PLCH1: variants seen among roughly 807,000 people sequenced by gnomAD.
The protein encoded by PLCH1 is phospholipase C eta 1.
Under a neutral mutation model 126.7 loss-of-function variants are expected in PLCH1, and 60 were observed. The ratio of observed to expected loss-of-function variants is 0.47; its 90% CI spans 0.38 to 0.59. PLCH1 has a LOEUF of 0.59. Among genes scored for constraint, PLCH1 ranks in the 20% least tolerant of loss-of-function variants. PLCH1 has a pLI of 0.00. For synonymous variants in PLCH1, 719 were observed against 734.9 expected (o/e 0.98, Z 0.35); for missense variants, 1,723 against 2,040.0 (o/e 0.84, Z 2.99).
chr3:155,516,588 C>T (rs544073414), intron 11 of PLCH1, among the ~76,000 whole-genome samples: 1 of 152,150 alleles, frequency 6.6e-6, no homozygotes, highest in African/African-American at 2.4e-5. Flanking sequence ...TGGGTAGCAA[C>T]TCTAGAAACA....
intron 2 of PLCH1, among the ~76,000 whole-genome samples, chr3:155,697,602 A>G (rs1308364897): frequency 6.6e-6 from 1 of 152,220 alleles, no homozygotes; most frequent in African/African-American, 2.4e-5. Context: ...GCAAGGGGCA[A>G]CTTCACACCC....
chr3:155,535,806 A>C (rs904284511), intron 10 of PLCH1, among the ~76,000 whole-genome samples: 2 of 152,200 alleles, frequency 1.3e-5, no homozygotes, highest in African/African-American at 4.8e-5. Context: ...AGCTTGTATC[A>C]GCTGATGATC....
At chr3:155,606,512 G>T (rs1209974903) in intron 2 of PLCH1, among the ~76,000 whole-genome samples, 1 of 152,166 alleles carries the variant, frequency 6.6e-6, no homozygotes, top group South Asian at 2.1e-4. Flanking sequence ...TACTTTTAGA[G>T]ATATAGTTTA....
At position 155,482,843 on chromosome 3, in the gene PLCH1, A is replaced by G. The variant is rs1259607008; in HGVS notation, c.3183T>C (p.Asn1061=). 2 of 1,614,108 alleles carry G rather than the reference A, an allele frequency of 1.2e-6. No individual in the cohort carries two copies. Among genetic ancestry groups the G allele is most frequent in the African/African-American group, 2.7e-5 (2 of 75,008 alleles). Reference sequence around the variant, plus strand: ...GGTTTTCCTGGCAATTGCTTGTGGCATTTGATGTGGTTCTCCCACCCCTAG... The same window carrying G: ...GGTTTTCCTGGCAATTGCTTGTGGCGTTTGATGTGGTTCTCCCACCCCTAG... ...SSPRGGRTTS[N]ATSNCQENPC... is the part of the protein sequence containing the mutation. Residue 1061 remains asparagine (N), a synonymous_variant, in exon 23 of 23, where the codon AAT becomes AAC. Coordinates refer to ENST00000460012, the MANE Select transcript of PLCH1 (RefSeq NM_014996.4).
intron 6 of PLCH1, among the ~76,000 whole-genome samples, chr3:155,582,625 G>T (rs889302423): frequency 1.3e-5 from 2 of 152,020 alleles, no homozygotes; most frequent in Admixed American, 6.5e-5. Flanking sequence ...GCTAAATGCC[G>T]CTGACTTAAA....
chr3:155,635,183 C>T (rs1374805170), intron 2 of PLCH1, among the ~76,000 whole-genome samples: 1 of 151,930 alleles, frequency 6.6e-6, no homozygotes, highest in Non-Finnish European at 1.5e-5. Flanking sequence ...TTGCCAGCTA[C>T]ACTCACTCAT....
intron 13 of PLCH1, among the ~76,000 whole-genome samples, chr3:155,504,252 T>C (rs1201174113): frequency 3.3e-5 from 5 of 152,218 alleles, no homozygotes; most frequent in Non-Finnish European, 5.9e-5. Context: ...CATACCAGTT[T>C]TAATAACACA....
In PLCH1 at chr3:155,669,179, T is replaced by C. The variant is rs138402894; in HGVS notation, c.79+34967A>G. 5.7e-3 allele frequency among the ~76,000 whole-genome samples: 857 copies of C among 151,366 alleles called. 12 individuals are homozygous for C. The highest frequency in any genetic ancestry group is 0.02 in the African/African-American group (812 of 41,346). On this transcript the variant is annotated intron_variant, in intron 2 of 22. Coordinates refer to ENST00000460012, the MANE Select transcript of PLCH1 (RefSeq NM_014996.4). ...AAAAAAAAAAAAAGGCATACATTTG[T>C]GGTCAAAAACAGTAAGTAGTAATGA...
At chr3:155,551,686 A>T (rs1432057135) in intron 9 of PLCH1, among the ~76,000 whole-genome samples, 1 of 8,674 alleles carries the variant, frequency 1.2e-4, no homozygotes, top group African/African-American at 9.3e-4. Flanking sequence ...CTCTCTACCA[A>T]AAAAAAAAAA....
At chr3:155,535,362 C>T (rs1309181130) in intron 10 of PLCH1, among the ~76,000 whole-genome samples, 1 of 152,178 alleles carries the variant, frequency 6.6e-6, no homozygotes, top group African/African-American at 2.4e-5. Flanking sequence ...GAAAGGCCAG[C>T]TTGCTTTCTC....
chr3:155,642,298 G>GC (rs1032299027), intron 2 of PLCH1, among the ~76,000 whole-genome samples: 2 of 152,146 alleles, frequency 1.3e-5, no homozygotes, highest in Non-Finnish European at 2.9e-5. Flanking sequence ...AAAAATCACT[G>GC]CATTCTTTAG....
In PLCH1 at chr3:155,482,354, C is replaced by G. The variant is rs769845317; in HGVS notation, c.3672G>C (p.Leu1224=). 9 of 1,614,046 alleles carry G rather than the reference C, an allele frequency of 5.6e-6. No individual in the cohort carries two copies. The Admixed American group carries it at 1.5e-4, about 27-fold the overall frequency. The change falls in exon 23 of 23, where the codon CTG becomes CTC. Residue 1224 remains leucine, a synonymous_variant. Coordinates refer to ENST00000460012, the MANE Select transcript of PLCH1 (RefSeq NM_014996.4). The part of the protein sequence containing the change: ...VMSGHCPLPS[L]GLKMPIKHGF... Reference sequence around the variant, plus strand: ...CATGCTTGATGGGCATTTTTAGGCCCAGGCTAGGCAAGGGACAATGGCCTG... The same window carrying G: ...CATGCTTGATGGGCATTTTTAGGCCGAGGCTAGGCAAGGGACAATGGCCTG...
intron 2 of PLCH1, chr3:155,676,082 T>C: frequency 6.8e-7 from 1 of 1,473,506 alleles, no homozygotes; most frequent in African/African-American, 1.4e-5. Flanking sequence ...AGCAGTACAA[T>C]TTCTCTCTAA....
intron 10 of PLCH1, among the ~76,000 whole-genome samples, chr3:155,526,282 G>A (rs1721881105): frequency 6.6e-6 from 1 of 152,052 alleles, no homozygotes; most frequent in African/African-American, 2.4e-5. Context: ...TACAGCAAAA[G>A]TGATGGGAGG....
intron 2 of PLCH1, among the ~76,000 whole-genome samples, chr3:155,663,205 G>A (rs1742375427): frequency 1.3e-5 from 2 of 152,076 alleles, no homozygotes; most frequent in African/African-American, 4.8e-5. Context: ...TTCTAGAAAG[G>A]TTTTCTGGCT....
At chr3:155,575,477 T>C (rs984626312) in intron 6 of PLCH1, among the ~76,000 whole-genome samples, 3 of 152,118 alleles carry the variant, frequency 2.0e-5, no homozygotes, top group African/African-American at 4.8e-5. Flanking sequence ...GGGTAATGTA[T>C]AGATCTATAT....
intron 6 of PLCH1, among the ~76,000 whole-genome samples, chr3:155,582,075 C>CTTTTTTTTTTTTTTTTTT (rs869254665): frequency 1.6e-5 from 1 of 64,120 alleles, no homozygotes; most frequent in South Asian, 7.3e-4. Flanking sequence ...TCTTTTCTTT[C>CTTTTTTTTTTTTTTTTTT]TTTTTTTTTT....
intron 2 of PLCH1, among the ~76,000 whole-genome samples, chr3:155,602,337 C>T (rs1185082898): frequency 6.6e-6 from 1 of 151,996 alleles, no homozygotes; most frequent in Non-Finnish European, 1.5e-5. Flanking sequence ...TAACAATGGC[C>T]CTGTTACCTA....
intron 1 of PLCH1, among the ~76,000 whole-genome samples, chr3:155,741,688 T>TATTTTTTTTTTTTTTTTTTTA (rs199564497): frequency 7.0e-6 from 1 of 142,884 alleles, no homozygotes; most frequent in African/African-American, 2.7e-5. Context: ...TATCCTCTTT[T>TATTTTTTTTTTTTTTTTTTTA]TTTTTTTTTT....
Sources: allele counts gnomAD v4.1 joint callset (sites outside exome capture counted in the v4.1 genomes callset), GRCh38; gene constraint gnomAD v4.1.1; transcripts MANE v1.5; gene names NCBI Gene and HGNC (gene_info 2026-07-23, HGNC 2026-07-21).